SLC7A5: variants seen among roughly 807,000 people sequenced by gnomAD.
The protein encoded by SLC7A5 is large neutral amino acids transporter small subunit 1.
SLC7A5 carries 23 observed loss-of-function variants against 50.2 expected under a neutral mutation model. That is an observed-to-expected ratio of 0.46 (90% CI 0.33 to 0.65). The LOEUF (loss-of-function observed/expected upper bound fraction) is 0.65, where lower values mean the gene tolerates loss of function less well. SLC7A5 is among the 30% of genes least tolerant of loss of function. The probability of loss-of-function intolerance (pLI) is 0.02; values close to 1 mark genes in which losing one functional copy is unlikely to be tolerated. For missense variants in SLC7A5, 578 were observed against 684.4 expected (o/e 0.84, Z 1.73); for synonymous variants, 393 against 330.6 (o/e 1.19, Z -2.05).
At chr16:87,847,465 A>G (rs1172384371) in intron 2 of SLC7A5, among the ~76,000 whole-genome samples, 1 of 152,174 alleles carries the variant, frequency 6.6e-6, no homozygotes, top group Non-Finnish European at 1.5e-5. Context: ...GGAGGGGCTC[A>G]GGGGGCTGCC....
intron 1 of SLC7A5, among the ~76,000 whole-genome samples, chr16:87,855,135 G>A (rs928999371): frequency 5.3e-5 from 8 of 152,210 alleles, no homozygotes; most frequent in South Asian, 4.1e-4. Context: ...GATTGGGGAC[G>A]CGGCCAGCCC....
intron 8 of SLC7A5, among the ~76,000 whole-genome samples, chr16:87,835,635 A>G (rs1434759411): frequency 7.2e-5 from 11 of 152,088 alleles, no homozygotes; most frequent in Admixed American, 5.9e-4. Context: ...CACCACGCCC[A>G]GCTAATTTTT....
intron 2 of SLC7A5, among the ~76,000 whole-genome samples, chr16:87,844,037 T>C (rs1003330660): frequency 6.6e-6 from 1 of 150,640 alleles, no homozygotes; most frequent in Non-Finnish European, 1.5e-5. Context: ...CAGTCTGCTA[T>C]CCAGTCAGCC....
At chr16:87,863,818 C>T (rs1436559509) in intron 1 of SLC7A5, among the ~76,000 whole-genome samples, 3 of 151,618 alleles carry the variant, frequency 2.0e-5, no homozygotes, top group Admixed American at 1.3e-4. Context: ...GTTCTCAAAT[C>T]TATACCCTCT....
intron 2 of SLC7A5, among the ~76,000 whole-genome samples, chr16:87,846,266 G>A (rs1357104605): frequency 6.6e-6 from 1 of 152,242 alleles, no homozygotes. Context: ...AGATGCCCTG[G>A]AGTCCCCCAC....
intron 1 of SLC7A5, 120 bp from the exon 2 acceptor site, chr16:87,851,969 C>A (rs2055231849): frequency 1.7e-6 from 2 of 1,183,534 alleles, no homozygotes; most frequent in South Asian, 2.6e-5. Flanking sequence ...AAACAAGCTC[C>A]TTAAACAGCT....
chr16:87,847,650 C>A (rs4990615), intron 2 of SLC7A5, among the ~76,000 whole-genome samples: 1 of 152,196 alleles, frequency 6.6e-6, no homozygotes, highest in Non-Finnish European at 1.5e-5. Flanking sequence ...TCCACCCGAA[C>A]GCACCTTGGG....
chr16:87,859,603 C>T (rs1230566341), intron 1 of SLC7A5, among the ~76,000 whole-genome samples: 1 of 152,188 alleles, frequency 6.6e-6, no homozygotes, highest in African/African-American at 2.4e-5. Flanking sequence ...TGTTATACCC[C>T]CTCCCTCTGG....
chr16:87,836,736 G>A, intron 7 of SLC7A5, 89 bp from the exon 8 acceptor site: 1 of 1,385,594 alleles, frequency 7.2e-7, no homozygotes, highest in Non-Finnish European at 1.0e-6. Context: ...GTCCAGCCTG[G>A]CTGGGCCCAG....
Position 87,868,831 on chromosome 16 carries a change from G to A in SLC7A5, c.538+54C>T. The A allele has an allele frequency of 2.0e-6, 3 of 1,520,054 alleles. No homozygotes were observed. The South Asian group carries it at 3.6e-5, about 18-fold the overall frequency. 94.2% of individuals were successfully genotyped at this position (1,520,054 alleles called of 1,614,324 possible). ...GCCAGGGGCGTAGTGATGCAAGGATGCAGGGACCCAGAGACTACGACCTCC... is the reference window on the plus strand; with the variant it reads ...GCCAGGGGCGTAGTGATGCAAGGATACAGGGACCCAGAGACTACGACCTCC... On this transcript the variant is annotated intron_variant, in intron 1 of 9. Coordinates refer to ENST00000261622, the MANE Select transcript of SLC7A5 (RefSeq NM_003486.7).
At chr16:87,848,099 C>T (rs1194760333) in intron 2 of SLC7A5, among the ~76,000 whole-genome samples, 2 of 151,148 alleles carry the variant, frequency 1.3e-5, no homozygotes, top group African/African-American at 2.4e-5. Context: ...TGGCAGGCTG[C>T]GGCTTTCTTT....
Position 87,839,706 on chromosome 16 carries a change from G to GC in SLC7A5, c.934dup (p.Ala312GlyfsTer113). 6.2e-7 allele frequency: 1 copy of GC among 1,613,322 alleles called. No individual in the cohort carries two copies. The highest frequency in any genetic ancestry group is 1.1e-5 in the South Asian group (1 of 91,082). On this transcript the variant is annotated frameshift_variant, in exon 5 of 10. Transcript: ENST00000261622. LOFTEE classifies it high-confidence loss of function. ...AGCTGGCGGGTAGCGGCTCACCACG[G>GC]CCACGGCCTCGGACGACAGCATCTG...
Position 87,860,696 on chromosome 16 carries a change from G to GT in SLC7A5, c.538+8188dup, listed in dbSNP as rs769172922. Among the ~76,000 whole-genome samples, 16 of 152,308 alleles carry GT rather than the reference G, an allele frequency of 1.1e-4. No homozygotes were observed. Among genetic ancestry groups the GT allele is most frequent in the Non-Finnish European group, 2.2e-4 (15 of 68,032 alleles). On this transcript the variant is annotated intron_variant, in intron 1 of 9. Transcript: ENST00000261622. This position sits in a 1 kb window ranked among gnomAD's most constrained non-coding sequence, Gnocchi z 4.8. ...CGTTAACAAGCAGCTCACACATACA[G>GT]TGTCTCAGTAGTGACAGATGCTGGC...
chr16:87,837,017 G>C (rs1436215416), intron 7 of SLC7A5, among the ~76,000 whole-genome samples: 1 of 152,252 alleles, frequency 6.6e-6, no homozygotes, highest in Non-Finnish European at 1.5e-5. Context: ...ACCTAACCCA[G>C]TGGTCACCAA....
rs2054930968 is a variant in SLC7A5, at chr16:87,831,146, ACACAGT to A, written c.*1818_*1823del. ...GCCCAGAGGGAAGAGGTCTTGCCCAACACAGTCAGTCCACCTGCCTGCTGGTGGTCC... is the reference window on the plus strand; with the variant it reads ...GCCCAGAGGGAAGAGGTCTTGCCCAACAGTCCACCTGCCTGCTGGTGGTCC... On this transcript the variant is annotated 3_prime_UTR_variant, in exon 10 of 10. Coordinates refer to ENST00000261622, the MANE Select transcript of SLC7A5 (RefSeq NM_003486.7). 1.8e-5 allele frequency: 2 copies of A among 111,812 alleles called. No homozygotes were observed. Among genetic ancestry groups the A allele is most frequent in the South Asian group, 4.5e-4 (1 of 2,202 alleles). 6.9% of individuals were successfully genotyped at this position (111,812 alleles called of 1,614,324 possible).
chr16:87,857,272 G>A (rs1281660895), intron 1 of SLC7A5, among the ~76,000 whole-genome samples: 1 of 152,024 alleles, frequency 6.6e-6, no homozygotes, highest in Non-Finnish European at 1.5e-5. Context: ...GCCCAGGCTG[G>A]AGTGCAGTGG....
intron 1 of SLC7A5, among the ~76,000 whole-genome samples, chr16:87,857,334 C>G (rs959486652): frequency 6.6e-6 from 1 of 152,132 alleles, no homozygotes; most frequent in African/African-American, 2.4e-5. Flanking sequence ...GCCATTCTCT[C>G]ACATCTACCT....
At position 87,852,374 on chromosome 16, in the gene SLC7A5, C is replaced by G. The variant is rs1314334265; in HGVS notation, c.539-525G>C. The stretch of plus-strand genomic sequence containing the variant: ...GGGTGTCCCGCTTTCCCGGAACTAC[C>G]TGGCCAGTCACCTGGGGACGGCAGC... On this transcript the variant is annotated intron_variant, in intron 1 of 9. Coordinates refer to ENST00000261622, the MANE Select transcript of SLC7A5 (RefSeq NM_003486.7). The surrounding 1 kb of genome is among the most constrained non-coding windows in gnomAD (Gnocchi z 4.5). Among the ~76,000 whole-genome samples, 1 of 152,198 alleles carries G rather than the reference C, an allele frequency of 6.6e-6. No homozygotes were observed. Among genetic ancestry groups the G allele is most frequent in the Non-Finnish European group, 1.5e-5 (1 of 68,036 alleles).
intron 1 of SLC7A5, among the ~76,000 whole-genome samples, chr16:87,868,395 C>G (rs181868129): frequency 1.3e-5 from 2 of 152,320 alleles, no homozygotes; most frequent in African/African-American, 4.8e-5. Context: ...CTACTGTTTT[C>G]TTATGAGTCA....
Sources: allele counts gnomAD v4.1 joint callset (sites outside exome capture counted in the v4.1 genomes callset), GRCh38; gene constraint gnomAD v4.1.1; non-coding constraint Gnocchi (gnomAD v3.1); transcripts MANE v1.5; gene names NCBI Gene and HGNC (gene_info 2026-07-23, HGNC 2026-07-21).